SRGAP2: variants seen among roughly 807,000 people sequenced by gnomAD.
The protein encoded by SRGAP2 is SLIT-ROBO Rho GTPase activating protein 2.
SRGAP2 carries 15 observed loss-of-function variants against 57.2 expected under a neutral mutation model. That is an observed-to-expected ratio of 0.26 (90% confidence interval 0.18 to 0.40). The LOEUF is 0.40. SRGAP2 is among the 10% of genes least tolerant of loss of function. SRGAP2 has a pLI of 1.00. For synonymous variants in SRGAP2, 249 were observed against 248.0 expected (o/e 1.00, Z -0.04); for missense variants, 520 against 669.6 (o/e 0.78, Z 2.47).
At chr1:206,418,346 A>C (rs1049416239) in intron 11 of SRGAP2, among the ~76,000 whole-genome samples, 3 of 152,256 alleles carry the variant, frequency 2.0e-5, no homozygotes, top group African/African-American at 7.2e-5. Context: ...GGCGTTGCTC[A>C]AGATGAGCTG....
chr1:206,424,167 TC>T (rs1319773351), intron 13 of SRGAP2, among the ~76,000 whole-genome samples: 2 of 152,060 alleles, frequency 1.3e-5, no homozygotes, highest in Non-Finnish European at 2.9e-5. Context: ...CCTACCTTTC[TC>T]CCTCTACTTT....
intron 2 of SRGAP2, among the ~76,000 whole-genome samples, chr1:206,285,543 C>T (rs1296051251): frequency 4.6e-5 from 7 of 152,158 alleles, no homozygotes; most frequent in East Asian, 1.9e-4. Flanking sequence ...GGGGCTCACA[C>T]GGGTACTTTT....
intron 16 of SRGAP2, among the ~76,000 whole-genome samples, chr1:206,439,323 A>G (rs1469303155): frequency 2.0e-5 from 3 of 152,112 alleles, no homozygotes; most frequent in East Asian, 1.9e-4. Flanking sequence ...CTCCTTCCCA[A>G]TATCACTACA....
intron 22 of SRGAP2, among the ~76,000 whole-genome samples, chr1:206,459,523 G>T (rs1553379744): frequency 6.6e-6 from 1 of 151,352 alleles, no homozygotes; most frequent in African/African-American, 2.5e-5. Flanking sequence ...CTCCCTGGTT[G>T]CAGGGTCTTC....
intron 10 of SRGAP2, among the ~76,000 whole-genome samples, chr1:206,415,345 G>A (rs899432689): frequency 5.3e-5 from 8 of 152,318 alleles, no homozygotes; most frequent in South Asian, 4.1e-4. Flanking sequence ...TCAGAAATCC[G>A]AAGCTTTCCA....
intron 12 of SRGAP2, 70 bp from the exon 13 acceptor site, chr1:206,421,180 C>T (rs376245314): frequency 5.2e-4 from 379 of 731,160 alleles, no homozygotes; most frequent in Non-Finnish European, 7.8e-4. Context: ...TTATCTCATT[C>T]GTCCCAATTT....
At chr1:206,278,603 C>T (rs1360655080) in intron 2 of SRGAP2, among the ~76,000 whole-genome samples, 2 of 144,512 alleles carry the variant, frequency 1.4e-5, no homozygotes, top group African/African-American at 5.4e-5. Context: ...TCAAGCAATC[C>T]TCCCACCTCA....
intron 2 of SRGAP2, among the ~76,000 whole-genome samples, chr1:206,208,592 G>C (rs1425010652): frequency 1.3e-5 from 2 of 152,228 alleles, no homozygotes; most frequent in African/African-American, 4.8e-5. Flanking sequence ...CCCTCATGGA[G>C]CTTATATTCT....
chr1:206,214,362 T>G (rs2102455726), intron 2 of SRGAP2: 1 of 151,632 alleles, frequency 6.6e-6, no homozygotes, highest in Admixed American at 6.6e-5. Flanking sequence ...AAAAAGATGT[T>G]ACTAGTATCC....
At chr1:206,281,623 A>G (rs1183374868) in intron 2 of SRGAP2, among the ~76,000 whole-genome samples, 4 of 111,598 alleles carry the variant, frequency 3.6e-5, no homozygotes, top group Admixed American at 3.5e-4. Flanking sequence ...GCTTGAGGTC[A>G]GGAGTTTGAG....
chr1:206,268,599 A>T (rs1670021131), intron 2 of SRGAP2, among the ~76,000 whole-genome samples: 1 of 151,672 alleles, frequency 6.6e-6, no homozygotes, highest in African/African-American at 2.4e-5. Context: ...GGAGAATAGA[A>T]TCAGACTGTC....
intron 17 of SRGAP2, among the ~76,000 whole-genome samples, 163 bp from the exon 18 acceptor site, chr1:206,445,912 G>C (rs1662716432): frequency 6.6e-6 from 1 of 152,186 alleles, no homozygotes; most frequent in South Asian, 2.1e-4. Context: ...CTGGTTGTCA[G>C]TTTTCTCCCC....
chr1:206,369,919 G>T (rs1354027969), intron 4 of SRGAP2, among the ~76,000 whole-genome samples: 1 of 150,830 alleles, frequency 6.6e-6, no homozygotes, highest in African/African-American at 2.4e-5. Context: ...CAAGAGAATT[G>T]AAAACATATG....
chr1:206,437,146 C>G, intron 15 of SRGAP2, 104 bp downstream of exon 15: 1 of 745,854 alleles, frequency 1.3e-6, no homozygotes, highest in Admixed American at 1.8e-5. Context: ...AGGAAGCCAA[C>G]TTCCCTGTCT....
intron 2 of SRGAP2, among the ~76,000 whole-genome samples, chr1:206,292,077 A>G (rs2102720997): frequency 6.6e-6 from 1 of 151,960 alleles, no homozygotes; most frequent in East Asian, 1.9e-4. Context: ...GAGGGAGAAC[A>G]TAACAAGAGA....
chr1:206,324,443 C>T (rs549560431), intron 3 of SRGAP2, among the ~76,000 whole-genome samples: 1 of 152,154 alleles, frequency 6.6e-6, no homozygotes, highest in African/African-American at 2.4e-5. Flanking sequence ...GACCTTATGT[C>T]CTTATGTCCT....
rs568886607 is a variant in SRGAP2 at position 206,419,788 on chromosome 1, G to A, written c.1469+388G>A. Among the ~76,000 whole-genome samples, 4 of 151,536 alleles carry A rather than the reference G, an allele frequency of 2.6e-5. No individual in the cohort carries two copies. In the East Asian group the frequency reaches 7.8e-4, roughly 29 times the overall value. On this transcript the variant is annotated intron_variant, in intron 12 of 22. Coordinates refer to ENST00000573034, the MANE Select transcript of SRGAP2 (RefSeq NM_015326.5). ...GGGAGTCTCTGACCCAGAGAAAGAA[G>A]ATCAGGAGATGGCATTTGATTTTTT... is the stretch of plus-strand genomic sequence containing the variant.
intron 2 of SRGAP2, among the ~76,000 whole-genome samples, chr1:206,253,044 C>A (rs1668933926): frequency 6.9e-6 from 1 of 144,400 alleles, no homozygotes; most frequent in Non-Finnish European, 1.5e-5. Context: ...TGTCAGGATG[C>A]GGGTTTTCTT....
intron 4 of SRGAP2, among the ~76,000 whole-genome samples, chr1:206,355,481 C>T (rs1218252992): frequency 6.6e-6 from 1 of 152,016 alleles, no homozygotes; most frequent in Non-Finnish European, 1.5e-5. Flanking sequence ...CTGTGATAGT[C>T]TGACCCTTCC....
Sources: gnomAD v4.1 joint callset for allele counts (sites outside exome capture counted in the v4.1 genomes callset) on GRCh38, gnomAD v4.1.1 for gene constraint, MANE v1.5 for transcripts, NCBI Gene and HGNC (gene_info 2026-07-23, HGNC 2026-07-21) for gene names.